YTHDC2: variants seen among roughly 807,000 people sequenced by gnomAD.
The protein encoded by YTHDC2 is 3'-5' RNA helicase YTHDC2.
In YTHDC2, 45 loss-of-function variants were observed where a neutral mutation model predicts 174.9. That is an observed-to-expected ratio of 0.26 (90% CI 0.20 to 0.33). YTHDC2 has a LOEUF of 0.33. Among genes scored for constraint, YTHDC2 ranks in the 10% least tolerant of loss-of-function variants. The probability of loss-of-function intolerance (pLI) is 1.00; values close to 1 mark genes in which losing one functional copy is unlikely to be tolerated. For missense variants in YTHDC2, 1,650 were observed against 1,723.7 expected (o/e 0.96, Z 0.76); for synonymous variants, 657 against 574.5 (o/e 1.14, Z -2.05).
At chr5:113,541,292 C>T (rs755053935) in intron 9 of YTHDC2, among the ~76,000 whole-genome samples, 176 bp downstream of exon 9, 8 of 151,524 alleles carry the variant, frequency 5.3e-5, no homozygotes, top group Non-Finnish European at 1.0e-4. Context: ...TCCGGGTTCA[C>T]GCCATTCTCC....
rs1329047210 is a variant in YTHDC2, at chr5:113,587,774, T to A, written c.3826-3267T>A. ...TTGTACTTTCATATAAACTTTAAAG[T>A]CAGCTTATCAGTTTCTGCAGAAAAA... is the stretch of plus-strand genomic sequence containing the variant. On this transcript the variant is annotated intron_variant, in intron 26 of 29. Transcript: ENST00000161863. Among the ~76,000 whole-genome samples the A allele has an allele frequency of 3.3e-5, 5 of 151,240 alleles. No homozygotes were observed. In the South Asian group the frequency reaches 1.0e-3, roughly 31 times the overall value.
At chr5:113,577,791 A>G (rs1049284878) in intron 23 of YTHDC2, among the ~76,000 whole-genome samples, 3 of 152,022 alleles carry the variant, frequency 2.0e-5, no homozygotes, top group Admixed American at 2.0e-4. Context: ...AAGTTTGGGG[A>G]TATTTCCTAA....
chr5:113,513,698 C>T lies in YTHDC2; in HGVS notation c.-198C>T. On this transcript the variant is annotated 5_prime_UTR_variant, in exon 1 of 30. Transcript: ENST00000161863. ...TGGTGACGTCATTACGCCCGCGCTCCTCGCCTGGCCGTGATATCAATGGCG... is the reference window on the plus strand; with the variant it reads ...TGGTGACGTCATTACGCCCGCGCTCTTCGCCTGGCCGTGATATCAATGGCG... 1.6e-6 allele frequency: 1 copy of T among 629,820 alleles called. No individual in the cohort carries two copies. Among genetic ancestry groups the T allele is most frequent in the Non-Finnish European group, 2.5e-6 (1 of 392,264 alleles). 39.0% of individuals were successfully genotyped at this position (629,820 alleles called of 1,614,324 possible).
At chr5:113,573,317 G>A (rs192231866) in intron 23 of YTHDC2, among the ~76,000 whole-genome samples, 93 of 152,276 alleles carry the variant, frequency 6.1e-4, no homozygotes, top group African/African-American at 2.1e-3. Flanking sequence ...CTGGCTTGTA[G>A]GGTTTCCTCT....
rs763021856 is a variant in YTHDC2 at position 113,535,788 on chromosome 5, A to G, written c.1092A>G (p.Pro364=). 5 of 1,586,492 alleles carry G rather than the reference A, an allele frequency of 3.2e-6. No homozygotes were observed. In the South Asian group the frequency reaches 5.8e-5, roughly 18 times the overall value. ...TTATAAGATATTTTGGAAGTTGTCC[A>G]GTGATATATAGTAAGTTAAATTGTC... ...NLFIRYFGSC[P]VIYIQGRPFE... The change falls in exon 7 of 30, where the codon CCA becomes CCG. Residue 364 remains proline (P), a synonymous_variant. Coordinates refer to ENST00000161863, the MANE Select transcript of YTHDC2 (RefSeq NM_022828.5).
intron 2 of YTHDC2, among the ~76,000 whole-genome samples, chr5:113,520,384 T>C (rs1042080916): frequency 4.6e-5 from 7 of 152,198 alleles, no homozygotes; most frequent in African/African-American, 1.7e-4. Flanking sequence ...ATGAAAATTA[T>C]GGGTTTATCT....
intron 23 of YTHDC2, among the ~76,000 whole-genome samples, chr5:113,569,861 C>T (rs1218013156): frequency 6.6e-6 from 1 of 152,048 alleles, no homozygotes; most frequent in Non-Finnish European, 1.5e-5. Context: ...GAAATCGTTT[C>T]TTCTAAGTCT....
intron 2 of YTHDC2, among the ~76,000 whole-genome samples, chr5:113,518,123 C>T (rs761174883): frequency 5.9e-5 from 9 of 151,354 alleles, no homozygotes; most frequent in Non-Finnish European, 1.2e-4. Context: ...CTCCTGACCT[C>T]GTGATCTGCC....
intron 10 of YTHDC2, among the ~76,000 whole-genome samples, chr5:113,548,239 G>A (rs556693036): frequency 3.9e-5 from 6 of 152,266 alleles, no homozygotes; most frequent in African/African-American, 1.2e-4. Context: ...GGTTATGCAA[G>A]TTAATAGCTT....
chr5:113,523,285 C>T (rs979244080), intron 2 of YTHDC2, among the ~76,000 whole-genome samples: 3 of 152,082 alleles, frequency 2.0e-5, no homozygotes, highest in African/African-American at 7.2e-5. Flanking sequence ...TGTACAGTGT[C>T]AGAGAAGTAA....
At position 113,584,415 on chromosome 5, in the gene YTHDC2, A is replaced by C; in HGVS notation, c.3761A>C (p.Lys1254Thr). 2 of 1,613,808 alleles carry C rather than the reference A, an allele frequency of 1.2e-6. No homozygotes were observed. The highest frequency in any genetic ancestry group is 1.1e-5 in the South Asian group (1 of 91,032). Residue 1254 changes from lysine (K) to threonine (T), a missense_variant, in exon 26 of 30, where the codon AAA (lysine) becomes ACA (threonine). Lys to Thr is a moderately conservative substitution (Grantham distance 78). Around this residue, in one of 5 missense-constraint regions of YTHDC2, gnomAD observed 913 missense variants for 940.4 expected, o/e 0.97. Transcript: ENST00000161863. The stretch of plus-strand genomic sequence containing the variant: ...GACCGATCAGATCAGTCTTCTCTGA[A>C]ATCTACAGACAGCAGTAGTTACCCA... ...TEDRSDQSSL[K>T]STDSSSYPSP...
chr5:113,555,805 C>T (rs1322808532), intron 16 of YTHDC2, among the ~76,000 whole-genome samples: 1 of 152,132 alleles, frequency 6.6e-6, no homozygotes, highest in African/African-American at 2.4e-5. Flanking sequence ...CAACAAATAG[C>T]TCAGCAGAGC....
chr5:113,536,592 T>C (rs1775091259), intron 7 of YTHDC2, among the ~76,000 whole-genome samples: 1 of 152,144 alleles, frequency 6.6e-6, no homozygotes, highest in Non-Finnish European at 1.5e-5. Context: ...AAAATATATA[T>C]AGAAAAAGTT....
Position 113,593,507 on chromosome 5 carries a change from T to C in YTHDC2, c.*33T>C. On this transcript the variant is annotated 3_prime_UTR_variant, in exon 30 of 30. Coordinates refer to ENST00000161863, the MANE Select transcript of YTHDC2 (RefSeq NM_022828.5). Reference sequence around the variant, plus strand: ...AACTCTTAGCTGTGGAAGAACATCATGCCTATTTATAACCACTGAATGCAC... The same window carrying C: ...AACTCTTAGCTGTGGAAGAACATCACGCCTATTTATAACCACTGAATGCAC... 1 of 789,216 alleles carries C rather than the reference T, an allele frequency of 1.3e-6. No homozygotes were observed. Among genetic ancestry groups the C allele is most frequent in the Non-Finnish European group, 2.0e-6 (1 of 511,242 alleles). The allele number at this position is 789,216 out of a possible 1,614,324, so 48.9% of individuals were successfully genotyped here. A position where few individuals can be genotyped will look rare whatever the true frequency, so the allele number is the denominator to read the frequency against.
intron 9 of YTHDC2, 22 bp downstream of exon 9, chr5:113,541,138 A>G: frequency 6.2e-7 from 1 of 1,612,940 alleles, no homozygotes; most frequent in Non-Finnish European, 8.5e-7. Flanking sequence ...CTGGTTTCCC[A>G]CTCATATTTT....
rs1397629645 is a variant in YTHDC2, at chr5:113,584,437, C to T, written c.3783C>T (p.Tyr1261=). ...TGAAATCTACAGACAGCAGTAGTTACCCAAGTCCTTGTGCTAGTCCTTCTC... is the reference window on the plus strand; with the variant it reads ...TGAAATCTACAGACAGCAGTAGTTATCCAAGTCCTTGTGCTAGTCCTTCTC... The part of the protein sequence containing the change: ...SSLKSTDSSS[Y]PSPCASPSPP... The change falls in exon 26 of 30, where the codon TAC becomes TAT. Residue 1261 remains tyrosine (Y), a synonymous_variant. Transcript: ENST00000161863. The T allele has an allele frequency of 1.2e-6, 2 of 1,613,462 alleles. No individual in the cohort carries two copies. The highest frequency in any genetic ancestry group is 2.2e-5 in the South Asian group (2 of 90,962).
rs1412560374 is a variant in YTHDC2 at position 113,584,702 on chromosome 5, A to G, written c.3825+223A>G. Among the ~76,000 whole-genome samples, 4 of 151,968 alleles carry G rather than the reference A, an allele frequency of 2.6e-5. No individual in the cohort carries two copies. In the South Asian group the frequency reaches 6.2e-4, roughly 24 times the overall value. ...ATCTTGGGGTATTTTAGAATGCTTT[A>G]AAACTATAGATCATTCACTACTGGC... is the stretch of plus-strand genomic sequence containing the variant. On this transcript the variant is annotated intron_variant, in intron 26 of 29. Transcript: ENST00000161863.
chr5:113,584,030 T>C lies in YTHDC2; in HGVS notation c.3648-272T>C, dbSNP rs75148114. ...AAATCTTGGAGTTTAGATATAATCC[T>C]TTTATTTTATTTAACAGATAAGGAA... On this transcript the variant is annotated intron_variant, in intron 25 of 29. Coordinates refer to ENST00000161863, the MANE Select transcript of YTHDC2 (RefSeq NM_022828.5). 9.1e-4 allele frequency: 214 copies of C among 235,372 alleles called. 2 individuals are homozygous for C. In the East Asian group the frequency reaches 0.015, roughly 17 times the overall value. The allele number at this position is 235,372 out of a possible 1,614,324, so 14.6% of individuals were successfully genotyped here. A position where few individuals can be genotyped will look rare whatever the true frequency, so the allele number is the denominator to read the frequency against.
intron 17 of YTHDC2, among the ~76,000 whole-genome samples, chr5:113,559,333 A>G (rs1333335430): frequency 3.3e-5 from 5 of 152,246 alleles, no homozygotes; most frequent in Non-Finnish European, 5.9e-5. Flanking sequence ...CATTTGAGGC[A>G]CTAAGAAAGA....
Sources: allele counts gnomAD v4.1 joint callset (sites outside exome capture counted in the v4.1 genomes callset), GRCh38; gene constraint gnomAD v4.1.1; regional missense constraint gnomAD v4.1.1; transcripts MANE v1.5; gene names NCBI Gene and HGNC (gene_info 2026-07-23, HGNC 2026-07-21).